Variants in SIPA1L3 observed in about 807,000 individuals in gnomAD.
The protein encoded by SIPA1L3 is signal-induced proliferation-associated 1-like protein 3.
In SIPA1L3, 59 loss-of-function variants were observed where a neutral mutation model predicts 150.1. The ratio of observed to expected loss-of-function variants is 0.39; its 90% CI spans 0.32 to 0.49. The LOEUF is 0.49. Ranked by LOEUF, SIPA1L3 falls within the 20% of genes least tolerant of loss-of-function variation. The pLI is 0.86. For synonymous variants in SIPA1L3, 1,070 were observed against 1,077.6 expected (o/e 0.99, Z 0.14); for missense variants, 2,211 against 2,489.5 (o/e 0.89, Z 2.38).
chr19:37,916,118 C>G (rs2046412550), intron 1 of SIPA1L3, among the ~76,000 whole-genome samples: 1 of 152,018 alleles, frequency 6.6e-6, no homozygotes, highest in Non-Finnish European at 1.5e-5. Context: ...CCTCTGCCTC[C>G]TGGGTTCAAA....
Position 38,082,529 on chromosome 19 carries a change from G to T in SIPA1L3, c.964G>T (p.Asp322Tyr). 6.3e-7 allele frequency: 1 copy of T among 1,598,680 alleles called. No homozygotes were observed. Among genetic ancestry groups the T allele is most frequent in the Non-Finnish European group, 8.5e-7 (1 of 1,172,840 alleles). ...GEAGRSPGEA[D>Y]EGRSPPEASR... ...GGCTGGGCGTTCCCCGGGGGAGGCC[G>T]ACGAGGGCCGGAGCCCCCCGGAAGC... Residue 322 changes from aspartate to tyrosine, a missense_variant, in exon 3 of 22, where the codon GAC becomes TAC. By Grantham distance (160) the Asp-to-Tyr change is radical. Coordinates refer to ENST00000222345, the MANE Select transcript of SIPA1L3 (RefSeq NM_015073.3).
chr19:38,000,132 TATC>T (rs1439463475), intron 1 of SIPA1L3, among the ~76,000 whole-genome samples: 1 of 129,064 alleles, frequency 7.7e-6, no homozygotes, highest in Non-Finnish European at 1.8e-5. Context: ...ATGACAGTAT[TATC>T]ATATCCTGTT....
At chr19:38,175,021 G>GT (rs936772102) in intron 15 of SIPA1L3, among the ~76,000 whole-genome samples, 1 of 152,112 alleles carries the variant, frequency 6.6e-6, no homozygotes, top group Non-Finnish European at 1.5e-5. Flanking sequence ...GTACAGAATG[G>GT]TGGTTAAAAT....
chr19:38,137,835 T>A (rs191921361), intron 10 of SIPA1L3, among the ~76,000 whole-genome samples: 1 of 152,054 alleles, frequency 6.6e-6, no homozygotes, highest in Admixed American at 6.6e-5. Flanking sequence ...AAGCCATCAG[T>A]ACCTAAGGGA....
In SIPA1L3 at chr19:38,142,345, C is replaced by T. The variant is rs113828836; in HGVS notation, c.3396-228C>T. On this transcript the variant is annotated intron_variant, in intron 11 of 21. Transcript: ENST00000222345. ...GAGTTGCGGGCAGCCGCAGTGGATC[C>T]GGGAAGAGGGGGCCCAGGAGCATCC... 2.0e-3 allele frequency among the ~76,000 whole-genome samples: 298 copies of T among 152,310 alleles called. 3 individuals carry two copies. Among genetic ancestry groups the T allele is most frequent in the African/African-American group, 6.9e-3 (288 of 41,572 alleles).
At chr19:38,166,430 C>T (rs1972212481) in intron 15 of SIPA1L3, among the ~76,000 whole-genome samples, 1 of 149,756 alleles carries the variant, frequency 6.7e-6, no homozygotes, top group South Asian at 2.1e-4. Flanking sequence ...GCACTCCACC[C>T]AGGCGACAGA....
At chr19:38,032,550 A>T (rs1355621716) in intron 2 of SIPA1L3, among the ~76,000 whole-genome samples, 1 of 152,174 alleles carries the variant, frequency 6.6e-6, no homozygotes, top group African/African-American at 2.4e-5. Flanking sequence ...ATAAAAAGTG[A>T]ATATAGGGCT....
At chr19:38,041,042 C>T (rs985962630) in intron 2 of SIPA1L3, among the ~76,000 whole-genome samples, 2 of 151,906 alleles carry the variant, frequency 1.3e-5, no homozygotes, top group Non-Finnish European at 2.9e-5. Flanking sequence ...GGATTACAGG[C>T]GTGAGCCACC....
At chr19:37,914,177 A>G (rs1172062699) in intron 1 of SIPA1L3, among the ~76,000 whole-genome samples, 1 of 152,150 alleles carries the variant, frequency 6.6e-6, no homozygotes, top group Non-Finnish European at 1.5e-5. Flanking sequence ...AAGGCCTCCC[A>G]GGCCTCTTTG....
At chr19:38,022,968 C>A (rs865921301) in intron 1 of SIPA1L3, among the ~76,000 whole-genome samples, 4 of 152,220 alleles carry the variant, frequency 2.6e-5, no homozygotes, top group Non-Finnish European at 4.4e-5. Flanking sequence ...TTTCCACCCC[C>A]ACCCGCAGTG....
intron 12 of SIPA1L3, among the ~76,000 whole-genome samples, chr19:38,151,502 C>T (rs552074255): frequency 4.6e-5 from 7 of 152,258 alleles, no homozygotes; most frequent in African/African-American, 1.4e-4. Flanking sequence ...GTTTTGTGGG[C>T]GTCTTAATAA....
intron 8 of SIPA1L3, among the ~76,000 whole-genome samples, chr19:38,115,079 G>A (rs1227730289): frequency 6.6e-6 from 1 of 152,202 alleles, no homozygotes; most frequent in African/African-American, 2.4e-5. Flanking sequence ...AACCATGTGG[G>A]AAGATGCTGC....
rs780400569 is a variant in SIPA1L3, at chr19:38,182,749, C to T, written c.4430+9C>T. 2 of 1,598,756 alleles carry T rather than the reference C, an allele frequency of 1.3e-6. No homozygotes were observed. The highest frequency in any genetic ancestry group is 2.2e-5 in the South Asian group (2 of 89,444). On this transcript the variant is annotated intron_variant, in intron 16 of 21. Coordinates refer to ENST00000222345, the MANE Select transcript of SIPA1L3 (RefSeq NM_015073.3). ...TTCAGTGACCCAAAGAAGTAAGTGC[C>T]TGGACGTCCAGCGAGGCGCCCGCCA... is the stretch of plus-strand genomic sequence containing the variant.
chr19:38,140,182 C>T (rs1309842746), intron 10 of SIPA1L3, among the ~76,000 whole-genome samples: 5 of 152,222 alleles, frequency 3.3e-5, no homozygotes, highest in African/African-American at 1.2e-4. Context: ...AGGCTGAAGG[C>T]TCCTCTGAGC....
At chr19:37,966,254 G>A (rs1282392744) in intron 1 of SIPA1L3, among the ~76,000 whole-genome samples, 1 of 152,192 alleles carries the variant, frequency 6.6e-6, no homozygotes, top group Non-Finnish European at 1.5e-5. Flanking sequence ...GAGCTGGCAG[G>A]TTCCGTCCTT....
chr19:37,948,444 G>A (rs1364570588), intron 1 of SIPA1L3, among the ~76,000 whole-genome samples: 1 of 151,730 alleles, frequency 6.6e-6, no homozygotes, highest in Non-Finnish European at 1.5e-5. Flanking sequence ...TCCAGCCTGG[G>A]CAGCAGAGTG....
chr19:38,165,662 C>T (rs188976600), intron 15 of SIPA1L3, among the ~76,000 whole-genome samples: 1 of 152,354 alleles, frequency 6.6e-6, no homozygotes, highest in Admixed American at 6.5e-5. Flanking sequence ...CGATGGTCCC[C>T]ACAGAAGCCC....
intron 2 of SIPA1L3, among the ~76,000 whole-genome samples, chr19:38,069,284 AC>A (rs1185753436): frequency 6.6e-6 from 1 of 151,944 alleles, no homozygotes; most frequent in Non-Finnish European, 1.5e-5. Flanking sequence ...GAATCAGTGA[AC>A]CCCTGAAATA....
chr19:38,035,904 A>G (rs749427538), intron 2 of SIPA1L3, among the ~76,000 whole-genome samples: 4 of 152,210 alleles, frequency 2.6e-5, no homozygotes, highest in Non-Finnish European at 4.4e-5. Flanking sequence ...TTCATTCACC[A>G]GACATGTGAG....
Sources: gnomAD v4.1 joint callset for allele counts (sites outside exome capture counted in the v4.1 genomes callset) on GRCh38, gnomAD v4.1.1 for gene constraint, MANE v1.5 for transcripts, NCBI Gene and HGNC (gene_info 2026-07-23, HGNC 2026-07-21) for gene names.